KATNBL1: variants seen among roughly 807,000 people sequenced by gnomAD.
KATNBL1 encodes katanin regulatory subunit B1 like 1.
In KATNBL1, 28 loss-of-function variants were observed where a neutral mutation model predicts 44.7. The ratio of observed to expected loss-of-function variants is 0.63; its 90% CI spans 0.46 to 0.86. The LOEUF (loss-of-function observed/expected upper bound fraction) is 0.86, where lower values mean the gene tolerates loss of function less well. KATNBL1 is among the 40% of genes least tolerant of loss of function. KATNBL1 has a pLI of 0.00. For synonymous variants in KATNBL1, 78 were observed against 114.9 expected (o/e 0.68, Z 2.06); for missense variants, 272 against 350.7 (o/e 0.78, Z 1.79).
chr15:34,159,596 G>GT (rs535345338), intron 2 of KATNBL1, among the ~76,000 whole-genome samples: 22 of 152,086 alleles, frequency 1.4e-4, no homozygotes, highest in Non-Finnish European at 2.8e-4. Flanking sequence ...TTTCCCTAGG[G>GT]TTTTTTAATT....
chr15:34,206,716 G>A (rs756073869), intron 1 of KATNBL1, among the ~76,000 whole-genome samples: 2 of 151,902 alleles, frequency 1.3e-5, no homozygotes, highest in African/African-American at 2.4e-5. Context: ...GCTTGAACCC[G>A]GGAGGTGGAG....
chr15:34,140,875 A>G lies in KATNBL1; in HGVS notation c.*1464T>C, dbSNP rs939823081. 1 of 152,200 alleles carries G rather than the reference A, an allele frequency of 6.6e-6. No individual in the cohort carries two copies. The highest frequency in any genetic ancestry group is 6.5e-5 in the Admixed American group (1 of 15,276). 9.4% of individuals were successfully genotyped at this position (152,200 alleles called of 1,614,324 possible). ...TTACAATTCATGTTCACTGTGAGGA[A>G]TATCTAGCTATATAAAATATAGCTA... On this transcript the variant is annotated 3_prime_UTR_variant, in exon 10 of 10. Coordinates refer to ENST00000256544, the MANE Select transcript of KATNBL1 (RefSeq NM_024713.3).
chr15:34,147,478 A>G (rs747173629), intron 5 of KATNBL1, 48 bp from the exon 6 acceptor site: 2 of 1,404,974 alleles, frequency 1.4e-6, no homozygotes, highest in Non-Finnish European at 2.0e-6. Context: ...TGATTTCCTT[A>G]TTTACTTTCA....
At chr15:34,206,334 C>T (rs2141010592) in intron 1 of KATNBL1, among the ~76,000 whole-genome samples, 1 of 152,268 alleles carries the variant, frequency 6.6e-6, no homozygotes, top group East Asian at 1.9e-4. Flanking sequence ...AAAGGGAGTC[C>T]TTTCAAAATA....
At chr15:34,156,083 G>C (rs1888628445) in intron 2 of KATNBL1, among the ~76,000 whole-genome samples, 1 of 152,158 alleles carries the variant, frequency 6.6e-6, no homozygotes, top group Non-Finnish European at 1.5e-5. Context: ...GTCCAGCAAA[G>C]GTCTACCACA....
intron 1 of KATNBL1, among the ~76,000 whole-genome samples, chr15:34,178,775 A>G (rs76297312): frequency 6.6e-6 from 1 of 151,634 alleles, no homozygotes; most frequent in Non-Finnish European, 1.5e-5. Context: ...AAAAAAAAAA[A>G]AAGGATTTCA....
chr15:34,149,832 G>A (rs1163056242), intron 4 of KATNBL1, among the ~76,000 whole-genome samples: 1 of 152,208 alleles, frequency 6.6e-6, no homozygotes, highest in African/African-American at 2.4e-5. Context: ...TCAGGAGTTT[G>A]AGTCCAGCCT....
intron 1 of KATNBL1, among the ~76,000 whole-genome samples, chr15:34,165,747 T>A (rs1361791301): frequency 2.0e-5 from 3 of 152,094 alleles, no homozygotes; most frequent in Non-Finnish European, 2.9e-5. Flanking sequence ...TGAGCCAAGA[T>A]CATGCCACTG....
Position 34,181,746 on chromosome 15 carries a change from GTCCATATATATA to G in KATNBL1, c.-14-18068_-14-18057del, listed in dbSNP as rs1477898398. 1.8e-5 allele frequency among the ~76,000 whole-genome samples: 2 copies of G among 112,928 alleles called. 1 individual carries two copies. The highest frequency in any genetic ancestry group is 6.9e-5 in the African/African-American group (2 of 29,164). 74.1% of individuals were successfully genotyped at this position (112,928 alleles called of 152,430 possible). A position where few individuals can be genotyped will look rare whatever the true frequency, so the allele number is the denominator to read the frequency against. On this transcript the variant is annotated intron_variant, in intron 1 of 9. Coordinates refer to ENST00000256544, the MANE Select transcript of KATNBL1 (RefSeq NM_024713.3). ...TATGTCCATATATACACATATATAT[GTCCATATATATA>G]TCCATATATATACACATATATATGT...
chr15:34,192,894 T>A (rs1889916423), intron 1 of KATNBL1, among the ~76,000 whole-genome samples: 1 of 152,166 alleles, frequency 6.6e-6, no homozygotes, highest in South Asian at 2.1e-4. Flanking sequence ...TTATACCAAA[T>A]TTTGCATCTC....
At chr15:34,199,737 G>C (rs528540493) in intron 1 of KATNBL1, 1 of 152,428 alleles carries the variant, frequency 6.6e-6, no homozygotes, top group South Asian at 2.1e-4. Flanking sequence ...CCGAATTCAA[G>C]AATGAAGCCG....
chr15:34,155,033 G>T (rs952450505), intron 2 of KATNBL1, among the ~76,000 whole-genome samples: 1 of 152,158 alleles, frequency 6.6e-6, no homozygotes, highest in African/African-American at 2.4e-5. Context: ...ACTAAGGACA[G>T]AGCAGGTGAC....
chr15:34,206,401 C>T (rs908661045), intron 1 of KATNBL1, among the ~76,000 whole-genome samples: 3 of 152,134 alleles, frequency 2.0e-5, no homozygotes, highest in Non-Finnish European at 4.4e-5. Context: ...GTAAATATAA[C>T]GCAGAAGTCT....
chr15:34,184,594 A>C (rs1889667875), intron 1 of KATNBL1, among the ~76,000 whole-genome samples: 1 of 776 alleles, frequency 1.3e-3, no homozygotes, highest in Admixed American at 0.025. Flanking sequence ...TTTTTTTGAG[A>C]CAGAGTCTCG....
rs995213991 is a variant in KATNBL1, at chr15:34,180,433, C to T, written c.-14-16743G>A. Among the ~76,000 whole-genome samples, 4 of 152,168 alleles carry T rather than the reference C, an allele frequency of 2.6e-5. No homozygotes were observed. The South Asian group carries it at 6.2e-4, about 24-fold the overall frequency. On this transcript the variant is annotated intron_variant, in intron 1 of 9. Coordinates refer to ENST00000256544, the MANE Select transcript of KATNBL1 (RefSeq NM_024713.3). ...CCTTCCCTGACTCTTTCTGTTCATACGACACAGTTGTCCTGACTCTCCTTG... is the reference window on the plus strand; with the variant it reads ...CCTTCCCTGACTCTTTCTGTTCATATGACACAGTTGTCCTGACTCTCCTTG...
Position 34,181,057 on chromosome 15 carries a change from C to G in KATNBL1, c.-14-17367G>C, listed in dbSNP as rs59586699. On this transcript the variant is annotated intron_variant, in intron 1 of 9. Transcript: ENST00000256544. ...TTGATTTTCCTGCCACCAGTCTTCT[C>G]CTGGTCCTTGCAAATCATCCTATAC... Among the ~76,000 whole-genome samples the G allele has an allele frequency of 0.012, 1,769 of 152,258 alleles. 154 individuals are homozygous for G. The East Asian group carries it at 0.24, about 21-fold the overall frequency.
At chr15:34,201,113 C>G (rs1472017718) in intron 1 of KATNBL1, among the ~76,000 whole-genome samples, 4 of 152,212 alleles carry the variant, frequency 2.6e-5, no homozygotes, top group African/African-American at 9.6e-5. Context: ...CCACACCCGG[C>G]CTCTTCCTCA....
intron 4 of KATNBL1, among the ~76,000 whole-genome samples, chr15:34,151,913 G>C (rs945652254): frequency 3.3e-5 from 5 of 151,288 alleles, no homozygotes; most frequent in African/African-American, 1.2e-4. Context: ...CCGGCAAAAT[G>C]TGTCTGGATA....
At chr15:34,168,111 G>A (rs904586147) in intron 1 of KATNBL1, among the ~76,000 whole-genome samples, 1 of 152,108 alleles carries the variant, frequency 6.6e-6, no homozygotes, top group Admixed American at 6.6e-5. Context: ...ATGTAAATGG[G>A]CTAAATGCCC....
Sources: allele counts gnomAD v4.1 joint callset (sites outside exome capture counted in the v4.1 genomes callset), GRCh38; gene constraint gnomAD v4.1.1; transcripts MANE v1.5; gene names NCBI Gene and HGNC (gene_info 2026-07-23, HGNC 2026-07-21).